The following ZNRF1 variants were observed in gnomAD, a reference collection of about 807,000 sequenced individuals.
The protein encoded by ZNRF1 is zinc and ring finger 1.
Under a neutral mutation model 18.4 loss-of-function variants are expected in ZNRF1, and 3 were observed. That is an observed-to-expected ratio of 0.16 (90% CI 0.07 to 0.42). The LOEUF is 0.42. Among genes scored for constraint, ZNRF1 ranks in the 10% least tolerant of loss-of-function variants. ZNRF1 has a pLI of 0.99. For missense variants in ZNRF1, 310 were observed against 329.8 expected, an observed-to-expected ratio of 0.94 and a Z score of 0.47; for synonymous variants, 157 against 144.2, an observed-to-expected ratio of 1.09 and a Z score of -0.64.
intron 1 of ZNRF1, among the ~76,000 whole-genome samples, chr16:75,053,754 A>C (rs1159321676): frequency 6.6e-6 from 1 of 152,184 alleles, no homozygotes; most frequent in Non-Finnish European, 1.5e-5. Flanking sequence ...TTTCCTCACA[A>C]GCTCAGAAAA....
At chr16:75,051,599 T>C (rs1157089867) in intron 1 of ZNRF1, among the ~76,000 whole-genome samples, 3 of 144,934 alleles carry the variant, frequency 2.1e-5, no homozygotes, top group East Asian at 2.1e-4. Flanking sequence ...CTCACTGCAA[T>C]CTCTACCTCC....
At chr16:75,018,182 C>T (rs184911811) in intron 1 of ZNRF1, among the ~76,000 whole-genome samples, 4 of 152,248 alleles carry the variant, frequency 2.6e-5, no homozygotes, top group Admixed American at 1.3e-4. Flanking sequence ...CTGGATAAAG[C>T]TTTATGATTT....
intron 1 of ZNRF1, among the ~76,000 whole-genome samples, chr16:75,067,310 A>T (rs956355625): frequency 1.3e-5 from 2 of 152,186 alleles, no homozygotes; most frequent in Non-Finnish European, 2.9e-5. Context: ...CCGTTGGTTG[A>T]GGCAGGTGGG....
At position 75,069,604 on chromosome 16, in the gene ZNRF1, G is replaced by A. The variant is rs142268583; in HGVS notation, c.425-23968G>A. Among the ~76,000 whole-genome samples, 13 of 152,256 alleles carry A rather than the reference G, an allele frequency of 8.5e-5. No individual in the cohort carries two copies. The East Asian group carries it at 2.5e-3, about 29-fold the overall frequency. ...AATTTTTGTATTTTTAGTAGAGATG[G>A]GGTTTTGCCATATTGTCCAGGCTGG... On this transcript the variant is annotated intron_variant, in intron 1 of 4. Coordinates refer to ENST00000335325, the MANE Select transcript of ZNRF1 (RefSeq NM_032268.5).
At chr16:75,060,692 G>C (rs1017287973) in intron 1 of ZNRF1, among the ~76,000 whole-genome samples, 8 of 151,856 alleles carry the variant, frequency 5.3e-5, no homozygotes, top group African/African-American at 1.7e-4. Context: ...GGCCAGGCTG[G>C]TCTTGAGCTC....
At chr16:75,017,229 A>G (rs1251113118) in intron 1 of ZNRF1, among the ~76,000 whole-genome samples, 1 of 152,234 alleles carries the variant, frequency 6.6e-6, no homozygotes. Flanking sequence ...CAGCTTTGTT[A>G]ACTTTCTGTG....
intron 1 of ZNRF1, among the ~76,000 whole-genome samples, chr16:75,019,828 G>A (rs577868746): frequency 2.0e-5 from 3 of 152,114 alleles, no homozygotes; most frequent in South Asian, 4.2e-4. Context: ...GGACTCAAGC[G>A]ATCCTCCTGC....
At chr16:75,022,099 C>T (rs755255410) in intron 1 of ZNRF1, among the ~76,000 whole-genome samples, 11 of 152,130 alleles carry the variant, frequency 7.2e-5, no homozygotes, top group Non-Finnish European at 1.2e-4. Context: ...CTGTTGCTCA[C>T]GCTGGAGTGG....
Position 74,999,869 on chromosome 16 carries a change from G to A in ZNRF1, c.198G>A (p.Gly66=). Residue 66 remains glycine, a synonymous_variant, in exon 1 of 5, where the codon GGG becomes GGA. Coordinates refer to ENST00000335325, the MANE Select transcript of ZNRF1 (RefSeq NM_032268.5). ...GMGMDPSTAG[G]VPFGLYTPAS... is the part of the protein sequence containing the mutation. ...GCATGGACCCCAGCACGGCCGGGGGGGTGCCCTTTGGCCTCTACACCCCCG... is the reference window on the plus strand; with the variant it reads ...GCATGGACCCCAGCACGGCCGGGGGAGTGCCCTTTGGCCTCTACACCCCCG... 6.6e-7 allele frequency: 1 copy of A among 1,524,812 alleles called. No homozygotes were observed. The highest frequency in any genetic ancestry group is 8.8e-7 in the Non-Finnish European group (1 of 1,139,984). The allele number at this position is 1,524,812 out of a possible 1,614,324, so 94.5% of individuals were successfully genotyped here.
chr16:75,027,844 A>G (rs75439098), intron 1 of ZNRF1, among the ~76,000 whole-genome samples: 1 of 152,154 alleles, frequency 6.6e-6, no homozygotes, highest in East Asian at 1.9e-4. Flanking sequence ...GCTGTCTGGG[A>G]ATCCTGCTGT....
At chr16:75,101,275 G>A (rs2036252019) in intron 2 of ZNRF1, among the ~76,000 whole-genome samples, 1 of 152,204 alleles carries the variant, frequency 6.6e-6, no homozygotes, top group African/African-American at 2.4e-5. Flanking sequence ...CACCCTTATT[G>A]CTGGGCGCGG....
intron 1 of ZNRF1, among the ~76,000 whole-genome samples, chr16:75,027,962 T>C (rs1272208335): frequency 6.6e-6 from 1 of 152,208 alleles, no homozygotes; most frequent in Non-Finnish European, 1.5e-5. Context: ...TCCTATTTCA[T>C]TGAGAAAACA....
At position 75,077,579 on chromosome 16, in the gene ZNRF1, C is replaced by T. The variant is rs188890660; in HGVS notation, c.425-15993C>T. Among the ~76,000 whole-genome samples, 4 of 152,130 alleles carry T rather than the reference C, an allele frequency of 2.6e-5. No individual in the cohort carries two copies. In the East Asian group the frequency reaches 7.7e-4, roughly 29 times the overall value. On this transcript the variant is annotated intron_variant, in intron 1 of 4. Transcript: ENST00000335325. Reference sequence around the variant, plus strand: ...TGATTTTTTAGAAGAACAGCCATTTCTCTTAGAAGGTTTTACATTCATTTC... The same window carrying T: ...TGATTTTTTAGAAGAACAGCCATTTTTCTTAGAAGGTTTTACATTCATTTC...
Position 75,070,105 on chromosome 16 carries a change from A to AG in ZNRF1, c.425-23467_425-23466insG, listed in dbSNP as rs765320174. Among the ~76,000 whole-genome samples the AG allele has an allele frequency of 8.5e-5, 13 of 152,322 alleles. 2 individuals carry two copies. Among genetic ancestry groups the AG allele is most frequent in the East Asian group, 7.7e-4 (4 of 5,180 alleles). On this transcript the variant is annotated intron_variant, in intron 1 of 4. Coordinates refer to ENST00000335325, the MANE Select transcript of ZNRF1 (RefSeq NM_032268.5). Reference sequence around the variant, plus strand: ...AGAAAATATAAGGGGATGCCAAAAAAACTCAGTAATCAAGACAAATAATTG... The same window carrying AG: ...AGAAAATATAAGGGGATGCCAAAAAAGACTCAGTAATCAAGACAAATAATTG...
intron 1 of ZNRF1, 116 bp downstream of exon 1, chr16:75,000,211 C>CAAGCCTTCGCGTGCGTGCCAAGG: frequency 2.1e-6 from 3 of 1,412,742 alleles, no homozygotes; most frequent in Non-Finnish European, 1.9e-6. Flanking sequence ...TCTGCATTCC[C>CAAGCCTTCGCGTGCGTGCCAAGG]TTTGGTTCCC....
chr16:75,104,081 C>T (rs1652365756), intron 2 of ZNRF1: 1 of 152,254 alleles, frequency 6.6e-6, no homozygotes, highest in Non-Finnish European at 1.5e-5. Context: ...TCCTTTCCCT[C>T]TCTATGGATG....
intron 1 of ZNRF1, among the ~76,000 whole-genome samples, chr16:75,060,408 A>ATCCTATC (rs976658898): frequency 6.0e-5 from 9 of 149,810 alleles, no homozygotes; most frequent in African/African-American, 2.2e-4. Flanking sequence ...AGGGAAATAT[A>ATCCTATC]TCCTATCTCT....
At chr16:75,072,583 A>G (rs1396266540) in intron 1 of ZNRF1, among the ~76,000 whole-genome samples, 1 of 152,224 alleles carries the variant, frequency 6.6e-6, no homozygotes, top group East Asian at 1.9e-4. Flanking sequence ...TTCAGCCTTC[A>G]GTGTCCACCC....
intron 1 of ZNRF1, among the ~76,000 whole-genome samples, chr16:75,014,678 G>A (rs574001156): frequency 2.0e-5 from 3 of 152,172 alleles, no homozygotes; most frequent in East Asian, 3.9e-4. Context: ...GTGTGCATGC[G>A]TGCATGTGTG....
Sources: allele counts gnomAD v4.1 joint callset (sites outside exome capture counted in the v4.1 genomes callset), GRCh38; gene constraint gnomAD v4.1.1; transcripts MANE v1.5; gene names NCBI Gene and HGNC (gene_info 2026-07-23, HGNC 2026-07-21).